Variants in SGCD observed in about 807,000 individuals in gnomAD.
SGCD encodes delta-sarcoglycan.
A neutral mutation model predicts 36.6 loss-of-function variants in SGCD; 18 were observed. The observed-to-expected ratio is 0.49, with a 90% CI of 0.34 to 0.73. The LOEUF is 0.73. Among genes scored for constraint, SGCD ranks in the 30% least tolerant of loss-of-function variants. SGCD has a pLI of 0.01. For synonymous variants in SGCD, 133 were observed against 130.6 expected (o/e 1.02, Z -0.12); for missense variants, 387 against 346.7 (o/e 1.12, Z -0.92).
intron 7 of SGCD, among the ~76,000 whole-genome samples, chr5:156,710,518 G>A (rs1342711145): frequency 1.3e-5 from 2 of 152,192 alleles, no homozygotes; most frequent in East Asian, 3.8e-4. Context: ...GCCCAAGGTG[G>A]TTGGGTTATG....
intron 6 of SGCD, among the ~76,000 whole-genome samples, chr5:156,633,225 T>C (rs1762701249): frequency 6.6e-6 from 1 of 152,224 alleles, no homozygotes; most frequent in Admixed American, 6.6e-5. Context: ...CAAGTACCTG[T>C]TACTCACTGA....
chr5:156,587,259 G>A (rs190137382), intron 4 of SGCD, among the ~76,000 whole-genome samples: 49 of 152,308 alleles, frequency 3.2e-4, no homozygotes, highest in African/African-American at 1.2e-3. Flanking sequence ...GCCACGCTAA[G>A]AGTTCAAAGC....
chr5:156,709,147 A>C (rs1754873333), intron 7 of SGCD, among the ~76,000 whole-genome samples: 1 of 152,180 alleles, frequency 6.6e-6, no homozygotes, highest in South Asian at 2.1e-4. Context: ...CCTTCAACTC[A>C]AAATAATCCT....
intron 3 of SGCD, among the ~76,000 whole-genome samples, chr5:156,414,556 T>A (rs1772930556): frequency 6.6e-6 from 1 of 152,256 alleles, no homozygotes; most frequent in Non-Finnish European, 1.5e-5. Context: ...ATATGGTATC[T>A]GTTGCAATTA....
At chr5:156,132,400 G>C (rs1762345462) in intron 3 of SGCD, among the ~76,000 whole-genome samples, 2 of 141,846 alleles carry the variant, frequency 1.4e-5, no homozygotes, top group South Asian at 4.4e-4. Flanking sequence ...GGAAATGATG[G>C]TTTTTATATT....
At position 155,933,864 on chromosome 5, in the gene SGCD, G is replaced by A. The variant is rs191663447; in HGVS notation, c.-282+63440G>A. On this transcript the variant is annotated intron_variant, in intron 1 of 9. Transcript: ENST00000517913. Reference sequence around the variant, plus strand: ...CCCTAGGTTATCTTCAGAGAAGACCGTCAGTTAAGGCTTGTTGATTTCAAG... The same window carrying A: ...CCCTAGGTTATCTTCAGAGAAGACCATCAGTTAAGGCTTGTTGATTTCAAG... Among the ~76,000 whole-genome samples, 254 of 152,258 alleles carry A rather than the reference G, an allele frequency of 1.7e-3. 1 individual carries two copies. Among genetic ancestry groups the A allele is most frequent in the African/African-American group, 5.9e-3 (244 of 41,562 alleles).
chr5:155,802,911 G>A, the SGCD span, among the ~76,000 whole-genome samples: 1 of 152,128 alleles, frequency 6.6e-6, no homozygotes, highest in Non-Finnish European at 1.5e-5. Context: ...TGGGAGAATG[G>A]TGTCTTTTTC....
At chr5:156,460,687 G>A (rs1754448142) in intron 3 of SGCD, among the ~76,000 whole-genome samples, 1 of 152,136 alleles carries the variant, frequency 6.6e-6, no homozygotes, top group Non-Finnish European at 1.5e-5. Flanking sequence ...GCCTGAGATA[G>A]TTAAGGGGTG....
At chr5:156,124,565 A>G (rs111691327) in intron 3 of SGCD, among the ~76,000 whole-genome samples, 60 of 152,330 alleles carry the variant, frequency 3.9e-4, no homozygotes, top group Non-Finnish European at 5.7e-4. Context: ...AATGATAATT[A>G]TCACAGTAAC....
chr5:156,621,887 G>A (rs1762265318), intron 6 of SGCD, among the ~76,000 whole-genome samples: 1 of 152,174 alleles, frequency 6.6e-6, no homozygotes, highest in Non-Finnish European at 1.5e-5. Flanking sequence ...TGAGTCTCAG[G>A]ACAGACATCT....
chr5:156,655,505 A>T (rs906987527), intron 7 of SGCD, among the ~76,000 whole-genome samples: 1 of 152,136 alleles, frequency 6.6e-6, no homozygotes, highest in Admixed American at 6.6e-5. Context: ...TTTGGTTAAG[A>T]TGCTTGTAAA....
chr5:156,596,933 T>C (rs1473183153), intron 6 of SGCD, among the ~76,000 whole-genome samples: 1 of 152,174 alleles, frequency 6.6e-6, no homozygotes, highest in Non-Finnish European at 1.5e-5. Flanking sequence ...CCCATTATAC[T>C]GTCCTGTCCC....
chr5:156,070,133 G>T (rs1333326097), intron 1 of SGCD, among the ~76,000 whole-genome samples: 2 of 148,698 alleles, frequency 1.3e-5, no homozygotes, highest in Non-Finnish European at 2.9e-5. Context: ...TCCTTCTCCT[G>T]CCTCATTGCC....
chr5:156,379,532 G>T (rs923483509), intron 3 of SGCD, among the ~76,000 whole-genome samples: 6 of 152,164 alleles, frequency 3.9e-5, no homozygotes, highest in African/African-American at 1.2e-4. Context: ...TGGAGTGTCT[G>T]TAAATCAGAA....
At chr5:155,745,423 C>T in the SGCD span, among the ~76,000 whole-genome samples, 1 of 152,128 alleles carries the variant, frequency 6.6e-6, no homozygotes, top group South Asian at 2.1e-4. Context: ...TATAATCTGG[C>T]CATTTGTCTT....
At chr5:156,300,113 C>G (rs1767014043) in intron 3 of SGCD, among the ~76,000 whole-genome samples, 1 of 151,846 alleles carries the variant, frequency 6.6e-6, no homozygotes, top group Non-Finnish European at 1.5e-5. Context: ...TCTTCTATCC[C>G]CAGGTTTTTT....
chr5:156,546,267 A>G (rs1489502858), intron 4 of SGCD, among the ~76,000 whole-genome samples: 3 of 152,240 alleles, frequency 2.0e-5, no homozygotes, highest in Non-Finnish European at 2.9e-5. Flanking sequence ...AAAAATTATA[A>G]AGAGATATTA....
At chr5:155,945,592 C>G (rs1182059434) in intron 1 of SGCD, among the ~76,000 whole-genome samples, 3 of 152,162 alleles carry the variant, frequency 2.0e-5, no homozygotes, top group Non-Finnish European at 4.4e-5. Context: ...GAAGACTTCT[C>G]TCATGATTTA....
chr5:156,150,082 T>C (rs1177296796), intron 3 of SGCD, among the ~76,000 whole-genome samples: 1 of 152,136 alleles, frequency 6.6e-6, no homozygotes, highest in African/African-American at 2.4e-5. Context: ...CCTCCAGAAG[T>C]GTGCTGTTAG....
Sources: gnomAD v4.1 joint callset for allele counts (sites outside exome capture counted in the v4.1 genomes callset) on GRCh38, gnomAD v4.1.1 for gene constraint, MANE v1.5 for transcripts, NCBI Gene and HGNC (gene_info 2026-07-23, HGNC 2026-07-21) for gene names.